PPARGC1A: variants seen among roughly 807,000 people sequenced by gnomAD.
PPARGC1A encodes PPARG coactivator 1 alpha, also known as peroxisome proliferator-activated receptor gamma coactivator 1-alpha.
In PPARGC1A, 25 loss-of-function variants were observed where a neutral mutation model predicts 88.7. The observed-to-expected ratio is 0.28, with a 90% CI of 0.21 to 0.39. The LOEUF is 0.39. PPARGC1A is among the 10% of genes least tolerant of loss of function. The pLI, the probability that PPARGC1A is intolerant of heterozygous loss-of-function variation, is 1.00. For missense variants in PPARGC1A, 880 were observed against 968.7 expected (o/e 0.91, Z 1.22); for synonymous variants, 363 against 355.6 (o/e 1.02, Z -0.24).
the PPARGC1A span, among the ~76,000 whole-genome samples, chr4:24,069,473 C>T: frequency 3.3e-5 from 5 of 152,130 alleles, no homozygotes; most frequent in African/African-American, 1.2e-4. Context: ...TTTGAAGTCA[C>T]CTTTAGCTTA....
chr4:24,414,130 C>G, the PPARGC1A span, among the ~76,000 whole-genome samples: 9 of 152,178 alleles, frequency 5.9e-5, no homozygotes, highest in Non-Finnish European at 1.3e-4. Context: ...CTACAGGATC[C>G]AAACTGGGTT....
the PPARGC1A span, among the ~76,000 whole-genome samples, chr4:24,435,315 T>C: frequency 6.6e-6 from 1 of 152,164 alleles, no homozygotes; most frequent in African/African-American, 2.4e-5. Flanking sequence ...ATAAATTACA[T>C]AAATTAATGC....
the PPARGC1A span, among the ~76,000 whole-genome samples, chr4:24,277,892 G>A: frequency 1.3e-5 from 2 of 152,204 alleles, no homozygotes; most frequent in Admixed American, 6.5e-5. Context: ...AGGATAATAA[G>A]GGGTGGGTGT....
At chr4:24,470,271 G>GACACACACACACACAC in the PPARGC1A span, among the ~76,000 whole-genome samples, 54 of 71,956 alleles carry the variant, frequency 7.5e-4, no homozygotes, top group Admixed American at 1.7e-3. The surrounding 1 kb of genome is among the most constrained non-coding windows in gnomAD (Gnocchi z 5.8). Flanking sequence ...CTCATCGACA[G>GACACACACACACACAC]ACACAGACAC....
the PPARGC1A span, among the ~76,000 whole-genome samples, chr4:24,312,548 G>A: frequency 7.7e-5 from 11 of 142,412 alleles, no homozygotes; most frequent in African/African-American, 2.4e-4. Flanking sequence ...ATCAGCTTTC[G>A]TGTTTTGCTT....
At chr4:23,906,512 C>T (rs1720052688), upstream of PPARGC1A, among the ~76,000 whole-genome samples, 2 of 147,410 alleles carry the variant, frequency 1.4e-5, no homozygotes, top group Non-Finnish European at 3.0e-5. Flanking sequence ...ACTCAGGAGA[C>T]TGAGGCAGGA....
the PPARGC1A span, among the ~76,000 whole-genome samples, chr4:24,428,797 A>T: frequency 2.6e-5 from 4 of 152,196 alleles, no homozygotes; most frequent in Non-Finnish European, 5.9e-5. Flanking sequence ...TGGAAGCCCA[A>T]CATTCCCAGA....
the PPARGC1A span, among the ~76,000 whole-genome samples, chr4:24,313,098 TAACAC>T: frequency 1.3e-5 from 2 of 152,156 alleles, no homozygotes; most frequent in African/African-American, 4.8e-5. Flanking sequence ...CAGCGAATGA[TAACAC>T]AACAAATAAT....
chr4:23,920,440 A>G, the PPARGC1A span, among the ~76,000 whole-genome samples: 2 of 152,172 alleles, frequency 1.3e-5, no homozygotes, highest in African/African-American at 4.8e-5. Flanking sequence ...CAAAATTTCA[A>G]TTTGTCATCC....
chr4:23,949,517 C>G, the PPARGC1A span, among the ~76,000 whole-genome samples: 10 of 152,268 alleles, frequency 6.6e-5, no homozygotes, highest in East Asian at 1.9e-3. Context: ...ACCAGGACAT[C>G]GAGGTTATCC....
the PPARGC1A span, among the ~76,000 whole-genome samples, chr4:24,407,707 T>C: frequency 0.016 from 2,511 of 152,348 alleles, 64 homozygotes; most frequent in African/African-American, 0.057. Context: ...GTTTGAATGT[T>C]GGACATAGGG....
chr4:24,431,660 TGGCCTC>T, the PPARGC1A span, among the ~76,000 whole-genome samples: 2 of 152,204 alleles, frequency 1.3e-5, no homozygotes, highest in Non-Finnish European at 2.9e-5. Flanking sequence ...AGGTACTTTG[TGGCCTC>T]ATCATTTTCC....
the PPARGC1A span, among the ~76,000 whole-genome samples, chr4:23,911,401 G>A: frequency 2.3e-4 from 35 of 152,218 alleles, no homozygotes; most frequent in East Asian, 2.1e-3. Flanking sequence ...GCAGCGATGC[G>A]AACACAAATA....
chr4:23,849,505 T>A (rs531281079), intron 2 of PPARGC1A, among the ~76,000 whole-genome samples: 1 of 152,184 alleles, frequency 6.6e-6, no homozygotes, highest in East Asian at 1.9e-4. Context: ...GACAAAACTG[T>A]CATTTAAAAA....
At chr4:23,835,307 G>A (rs184341342) in intron 2 of PPARGC1A, among the ~76,000 whole-genome samples, 34 of 152,258 alleles carry the variant, frequency 2.2e-4, no homozygotes, top group African/African-American at 7.9e-4. Flanking sequence ...AATAAGTCTG[G>A]GAGAATGTAT....
At chr4:24,224,935 A>C in the PPARGC1A span, among the ~76,000 whole-genome samples, 3 of 152,158 alleles carry the variant, frequency 2.0e-5, no homozygotes, top group African/African-American at 7.2e-5. Flanking sequence ...AGGAAGGGGG[A>C]GAAAACAGCA....
chr4:24,421,811 A>T, the PPARGC1A span, among the ~76,000 whole-genome samples: 2 of 152,226 alleles, frequency 1.3e-5, no homozygotes, highest in Non-Finnish European at 2.9e-5. Flanking sequence ...AATTAGTAGT[A>T]CATGCCTTTA....
the PPARGC1A span, among the ~76,000 whole-genome samples, chr4:24,143,989 C>T: frequency 1.3e-5 from 2 of 152,208 alleles, no homozygotes; most frequent in African/African-American, 4.8e-5. Context: ...AGTACATGTG[C>T]TTTTCACTTA....
At chr4:23,862,072 C>T (rs1577554329) in intron 2 of PPARGC1A, among the ~76,000 whole-genome samples, 2 of 152,274 alleles carry the variant, frequency 1.3e-5, no homozygotes, top group Admixed American at 6.5e-5. Context: ...CAAACAGTGC[C>T]CAGTTTCACA....
Sources: allele counts gnomAD v4.1 joint callset (sites outside exome capture counted in the v4.1 genomes callset), GRCh38; gene constraint gnomAD v4.1.1; non-coding constraint Gnocchi (gnomAD v3.1); transcripts MANE v1.5; gene names NCBI Gene and HGNC (gene_info 2026-07-23, HGNC 2026-07-21).